Variants in CEP83 observed in about 807,000 individuals in gnomAD.
CEP83 encodes the protein centrosomal protein 83, also known as centrosomal protein of 83 kDa.
Under a neutral mutation model 101.9 loss-of-function variants are expected in CEP83, and 70 were observed. That is an observed-to-expected ratio of 0.69 (90% CI 0.57 to 0.84). CEP83 has a LOEUF of 0.84. Among genes scored for constraint, CEP83 ranks in the 40% least tolerant of loss-of-function variants. The pLI is 0.00. For missense variants in CEP83, 715 were observed against 787.2 expected (o/e 0.91, Z 1.10); for synonymous variants, 264 against 267.9 (o/e 0.99, Z 0.14).
chr12:94,351,986 A>G (rs1307259263), intron 11 of CEP83, among the ~76,000 whole-genome samples: 1 of 152,256 alleles, frequency 6.6e-6, no homozygotes, highest in Non-Finnish European at 1.5e-5. Flanking sequence ...CTGTACTAAT[A>G]TAGAAACAAA....
chr12:94,279,700 C>T, the CEP83 span: 1 of 1,498,418 alleles, frequency 6.7e-7, no homozygotes, highest in Non-Finnish European at 9.3e-7. Flanking sequence ...AGTGTCCCTC[C>T]CTGCCTGCCC....
chr12:94,277,536 G>C, the CEP83 span, among the ~76,000 whole-genome samples: 1 of 152,148 alleles, frequency 6.6e-6, no homozygotes, highest in Non-Finnish European at 1.5e-5. Flanking sequence ...ATGAGAAAGC[G>C]ACATACACAG....
At chr12:94,413,859 CACACACAT>C (rs1251849749) in intron 2 of CEP83, among the ~76,000 whole-genome samples, 5 of 151,014 alleles carry the variant, frequency 3.3e-5, no homozygotes, top group Non-Finnish European at 5.9e-5. Flanking sequence ...CACACACACA[CACACACAT>C]ACATACATAT....
At chr12:94,343,470 C>A (rs1395265403) in intron 11 of CEP83, among the ~76,000 whole-genome samples, 3 of 84,176 alleles carry the variant, frequency 3.6e-5, no homozygotes, top group South Asian at 4.7e-4. Context: ...TAGAAATTAA[C>A]TTTTTTTTTT....
chr12:94,429,668 T>C (rs903248212), intron 2 of CEP83, among the ~76,000 whole-genome samples: 4 of 152,098 alleles, frequency 2.6e-5, no homozygotes, highest in African/African-American at 9.7e-5. Context: ...CATTTTCATG[T>C]GCCCAGAGTC....
chr12:94,303,903 T>C, downstream of CEP83: 1 of 1,609,530 alleles, frequency 6.2e-7, no homozygotes, highest in Non-Finnish European at 8.5e-7. Context: ...TAAGGTATCA[T>C]TAGAAAGCAG....
At chr12:94,337,876 G>C (rs2059518615) in intron 11 of CEP83, among the ~76,000 whole-genome samples, 1 of 152,120 alleles carries the variant, frequency 6.6e-6, no homozygotes, top group Non-Finnish European at 1.5e-5. Flanking sequence ...GGAGAGAATG[G>C]ATGAAGGTAC....
chr12:94,403,056 T>A, intron 5 of CEP83, 114 bp downstream of exon 5: 1 of 597,280 alleles, frequency 1.7e-6, no homozygotes, highest in South Asian at 2.3e-5. Context: ...GCCACTGCAA[T>A]GACTGAGTAA....
At chr12:94,331,918 C>G in intron 13 of CEP83, 89 bp from the exon 14 acceptor site, 1 of 1,180,746 alleles carries the variant, frequency 8.5e-7, no homozygotes, top group Non-Finnish European at 1.2e-6. Flanking sequence ...AACTCACTAC[C>G]TGTCTGACCA....
chr12:94,305,591 A>G, downstream of CEP83: 1 of 271,214 alleles, frequency 3.7e-6, no homozygotes, highest in Non-Finnish European at 7.0e-6. Flanking sequence ...GTCTCCACTT[A>G]AGCACAATGA....
chr12:94,352,169 C>T (rs1256947521), intron 11 of CEP83, among the ~76,000 whole-genome samples: 1 of 152,166 alleles, frequency 6.6e-6, no homozygotes, highest in Non-Finnish European at 1.5e-5. Flanking sequence ...GCCTGTAATT[C>T]CAGCACTTTG....
chr12:94,302,620 A>C (rs1033352972), downstream of CEP83, among the ~76,000 whole-genome samples: 3 of 152,196 alleles, frequency 2.0e-5, no homozygotes, highest in African/African-American at 7.2e-5. Context: ...ACAAGTACCA[A>C]ATAAGGTAGT....
intron 6 of CEP83, among the ~76,000 whole-genome samples, chr12:94,393,170 C>CA (rs1169161991): frequency 1.3e-5 from 2 of 151,974 alleles, no homozygotes; most frequent in African/African-American, 4.8e-5. Context: ...AGAGACACAA[C>CA]AAAAAAGAGA....
chr12:94,410,291 T>C (rs1030588345), intron 4 of CEP83, among the ~76,000 whole-genome samples: 1 of 152,204 alleles, frequency 6.6e-6, no homozygotes, highest in Admixed American at 6.5e-5. Flanking sequence ...GTGGAAAGTA[T>C]GGCAGTAAAA....
At chr12:94,369,351 G>C (rs1354426311) in intron 9 of CEP83, 1 of 152,384 alleles carries the variant, frequency 6.6e-6, no homozygotes, top group African/African-American at 2.4e-5. Flanking sequence ...CTATTTGGGA[G>C]GCTGAGGCAG....
chr12:94,284,105 AAAAG>A, the CEP83 span, among the ~76,000 whole-genome samples: 6 of 151,782 alleles, frequency 4.0e-5, no homozygotes, highest in Non-Finnish European at 5.9e-5. Flanking sequence ...AAAAAAAAAA[AAAAG>A]CAGGGTTTGC....
intron 2 of CEP83, among the ~76,000 whole-genome samples, chr12:94,415,310 AT>A: frequency 6.6e-6 from 1 of 152,264 alleles, no homozygotes; most frequent in East Asian, 1.9e-4. Context: ...AACAAGAGAA[AT>A]ATAAGACAAA....
At chr12:94,365,182 C>G (rs1246295969) in intron 11 of CEP83, among the ~76,000 whole-genome samples, 2 of 151,460 alleles carry the variant, frequency 1.3e-5, no homozygotes, top group African/African-American at 2.4e-5. Flanking sequence ...CCAAAAAAAC[C>G]AAGTATAATA....
chr12:94,321,692 C>T (rs2058751460), intron 14 of CEP83, among the ~76,000 whole-genome samples: 1 of 151,880 alleles, frequency 6.6e-6, no homozygotes, highest in Non-Finnish European at 1.5e-5. Flanking sequence ...CCCTGGTCCC[C>T]ACAGACTCTC....
Sources: allele counts gnomAD v4.1 joint callset (sites outside exome capture counted in the v4.1 genomes callset), GRCh38; gene constraint gnomAD v4.1.1; transcripts MANE v1.5; gene names NCBI Gene and HGNC (gene_info 2026-07-23, HGNC 2026-07-21).